The following PRKN variants were observed in gnomAD, a reference collection of about 807,000 sequenced individuals.
PRKN encodes parkin RBR E3 ubiquitin protein ligase.
Under a neutral mutation model 59.5 loss-of-function variants are expected in PRKN, and 56 were observed. The ratio of observed to expected loss-of-function variants is 0.94; its 90% confidence interval spans 0.76 to 1.18. The LOEUF (loss-of-function observed/expected upper bound fraction) is 1.18. PRKN is among the 50% of genes most tolerant of loss of function. The pLI is 0.00. For missense variants in PRKN, 657 were observed against 596.4 expected (o/e 1.10, Z -1.06); for synonymous variants, 250 against 222.1 (o/e 1.13, Z -1.12).
intron 6 of PRKN, among the ~76,000 whole-genome samples, chr6:161,829,485 G>C (rs1230010594): frequency 6.6e-6 from 1 of 152,016 alleles, no homozygotes; most frequent in Non-Finnish European, 1.5e-5. Context: ...TGCTCCCTGC[G>C]GTCTGAGGAT....
intron 7 of PRKN, among the ~76,000 whole-genome samples, chr6:161,654,420 C>T (rs1784264910): frequency 6.6e-6 from 1 of 152,080 alleles, no homozygotes; most frequent in Non-Finnish European, 1.5e-5. Context: ...GCACTGATGA[C>T]ACAGCAAAGT....
intron 7 of PRKN, among the ~76,000 whole-genome samples, chr6:161,732,483 T>TGTGTGTGTGTGTGTGTGTGTGTGTG (rs1398832020): frequency 7.1e-6 from 1 of 140,166 alleles, no homozygotes; most frequent in African/African-American, 3.1e-5. Flanking sequence ...GGTTTTTTTT[T>TGTGTGTGTGTGTGTGTGTGTGTGTG]TTTGTGTGTG....
chr6:162,625,848 G>T (rs1367820489), intron 1 of PRKN, among the ~76,000 whole-genome samples: 5 of 152,094 alleles, frequency 3.3e-5, no homozygotes, highest in African/African-American at 1.2e-4. Context: ...TCCCCATGAA[G>T]AAAGTAAGAC....
chr6:161,744,962 G>A (rs112074533), intron 7 of PRKN, among the ~76,000 whole-genome samples: 4,054 of 152,240 alleles, frequency 0.027, 175 homozygotes, highest in African/African-American at 0.09. Context: ...CAATATTAGC[G>A]TTATGTCCAC....
At chr6:161,625,687 G>A (rs1157113899) in intron 7 of PRKN, among the ~76,000 whole-genome samples, 1 of 152,206 alleles carries the variant, frequency 6.6e-6, no homozygotes, top group Non-Finnish European at 1.5e-5. Context: ...TCTTAAAGGG[G>A]AGAGTAACAT....
At chr6:162,670,353 C>A (rs1584019019) in intron 1 of PRKN, among the ~76,000 whole-genome samples, 1 of 152,212 alleles carries the variant, frequency 6.6e-6, no homozygotes, top group Non-Finnish European at 1.5e-5. Context: ...TGCCACCCAG[C>A]TCCTCTGAAG....
At position 161,549,949 on chromosome 6, in the gene PRKN, G is replaced by A. The variant is rs530189938; in HGVS notation, c.934-946C>T. ...TAGGATTTCCAATGGTGCTAAGTGA[G>A]GAAGAAAATAATCAACAGGGAAGAG... On this transcript the variant is annotated intron_variant, in intron 8 of 11. Transcript: ENST00000366898. This position sits in a 1 kb window ranked among gnomAD's most constrained non-coding sequence, Gnocchi z 6.0. 4.6e-5 allele frequency among the ~76,000 whole-genome samples: 7 copies of A among 152,224 alleles called. 1 individual carries two copies. Among genetic ancestry groups the A allele is most frequent in the African/African-American group, 1.7e-4 (7 of 41,536 alleles).
At position 161,673,081 on chromosome 6, in the gene PRKN, G is replaced by A. The variant is rs114155102; in HGVS notation, c.872-103665C>T. 6.9e-3 allele frequency among the ~76,000 whole-genome samples: 1,055 copies of A among 152,194 alleles called. 12 individuals are homozygous for A. Among genetic ancestry groups the A allele is most frequent in the African/African-American group, 0.024 (1,011 of 41,528 alleles). On this transcript the variant is annotated intron_variant, in intron 7 of 11. Transcript: ENST00000366898. ...CAGCCACATAACTTCATAATCACCC[G>A]TGCAGAACACACTTCTGGAATGCTG...
intron 7 of PRKN, among the ~76,000 whole-genome samples, chr6:161,571,269 C>A (rs1423949350): frequency 1.3e-5 from 2 of 152,116 alleles, no homozygotes; most frequent in African/African-American, 4.8e-5. Flanking sequence ...TCTCTGGAAA[C>A]AAAATTGATA....
chr6:162,116,852 G>A (rs1460658509), intron 4 of PRKN, among the ~76,000 whole-genome samples: 2 of 152,162 alleles, frequency 1.3e-5, no homozygotes, highest in African/African-American at 4.8e-5. Context: ...ATGTTGGAAA[G>A]GAATACTTTG....
intron 9 of PRKN, among the ~76,000 whole-genome samples, chr6:161,432,903 G>A (rs78380863): frequency 6.6e-6 from 1 of 151,994 alleles, no homozygotes; most frequent in South Asian, 2.1e-4. Flanking sequence ...GTTTCTAAAT[G>A]CACAAAATAA....
At chr6:162,309,631 C>G (rs12663189) in intron 2 of PRKN, among the ~76,000 whole-genome samples, 1 of 151,828 alleles carries the variant, frequency 6.6e-6, no homozygotes, top group African/African-American at 2.4e-5. Flanking sequence ...TTACACTGTG[C>G]GTAAGCTGTA....
At chr6:161,485,543 C>T (rs375999520) in intron 9 of PRKN, among the ~76,000 whole-genome samples, 1 of 152,134 alleles carries the variant, frequency 6.6e-6, no homozygotes, top group African/African-American at 2.4e-5. Flanking sequence ...CATCCCCTCC[C>T]AAACCACTCT....
chr6:162,314,081 T>C (rs1481106255), intron 2 of PRKN, among the ~76,000 whole-genome samples: 3 of 151,942 alleles, frequency 2.0e-5, no homozygotes, highest in Admixed American at 2.0e-4. Context: ...ACAAAGAAGG[T>C]TTCCATGTAG....
intron 6 of PRKN, among the ~76,000 whole-genome samples, chr6:161,835,175 AG>A (rs1792695566): frequency 6.6e-6 from 1 of 152,166 alleles, no homozygotes; most frequent in Non-Finnish European, 1.5e-5. Flanking sequence ...TCTAAGGAAA[AG>A]GGGGAATCAT....
Position 161,357,048 on chromosome 6 carries a change from CTT to C in PRKN, c.1285+3038_1285+3039del, listed in dbSNP as rs35219002. On this transcript the variant is annotated intron_variant, in intron 11 of 11. Coordinates refer to ENST00000366898, the MANE Select transcript of PRKN (RefSeq NM_004562.3). This position sits in a 1 kb window ranked among gnomAD's most constrained non-coding sequence, Gnocchi z 5.5. The stretch of plus-strand genomic sequence containing the variant: ...CAGGTCCAGGTTCGCTGACCACTTC[CTT>C]TTTTTTTTTTTTTTTTTTTGAGACA... Among the ~76,000 whole-genome samples the C allele has an allele frequency of 7.8e-5, 9 of 115,596 alleles. No individual in the cohort carries two copies. Among genetic ancestry groups the C allele is most frequent in the Admixed American group, 9.8e-5 (1 of 10,202 alleles). 75.8% of individuals were successfully genotyped at this position (115,596 alleles called of 152,430 possible).
At chr6:161,824,835 C>T (rs181547844) in intron 6 of PRKN, among the ~76,000 whole-genome samples, 31 of 152,242 alleles carry the variant, frequency 2.0e-4, no homozygotes, top group Admixed American at 1.3e-3. Context: ...ACTAAGATAA[C>T]ATTCATTTCA....
intron 9 of PRKN, among the ~76,000 whole-genome samples, chr6:161,489,773 GA>G (rs1777480824): frequency 6.6e-6 from 1 of 152,276 alleles, no homozygotes; most frequent in Admixed American, 6.5e-5. Flanking sequence ...TTTATTAGGT[GA>G]AGGATGACAT....
chr6:161,520,067 G>A (rs1374258145), intron 9 of PRKN, among the ~76,000 whole-genome samples: 1 of 152,186 alleles, frequency 6.6e-6, no homozygotes, highest in Non-Finnish European at 1.5e-5. Flanking sequence ...AGTAGAGATT[G>A]TCTGTGGTTT....
Sources: gnomAD v4.1 joint callset for allele counts (sites outside exome capture counted in the v4.1 genomes callset) on GRCh38, gnomAD v4.1.1 for gene constraint, Gnocchi (gnomAD v3.1) non-coding constraint, MANE v1.5 for transcripts, NCBI Gene and HGNC (gene_info 2026-07-23, HGNC 2026-07-21) for gene names.